Variants in GLB1L observed in about 807,000 individuals in gnomAD.
GLB1L encodes the protein beta-galactosidase-1-like protein.
A neutral mutation model predicts 75.7 loss-of-function variants in GLB1L; 58 were observed. The observed-to-expected ratio is 0.77, with a 90% CI of 0.62 to 0.95. GLB1L has a LOEUF of 0.95. Among genes scored for constraint, GLB1L ranks in the 40% least tolerant of loss-of-function variants. GLB1L has a pLI of 0.00. For missense variants in GLB1L, 797 were observed against 805.5 expected, an observed-to-expected ratio of 0.99 and a Z score of 0.13; for synonymous variants, 296 against 303.0, an observed-to-expected ratio of 0.98 and a Z score of 0.24.
chr2:219,237,521 T>A lies in GLB1L; in HGVS notation c.1680A>T (p.Gly560=). ...SVGDTFLYLP[G]WTKGQVWING... ...CCACCATTACCAATACCTTGGTCCA[T>A]CCAGGTAGATATAGAAATGTGTCCC... Residue 560 remains glycine (G), a synonymous_variant, in exon 16 of 17, where the codon GGA becomes GGT. Coordinates refer to ENST00000295759, the MANE Select transcript of GLB1L (RefSeq NM_001286423.2). 6.2e-7 allele frequency: 1 copy of A among 1,613,616 alleles called. No homozygotes were observed. The highest frequency in any genetic ancestry group is 8.5e-7 in the Non-Finnish European group (1 of 1,179,522).
chr2:219,238,218 T>C (rs1415820281), intron 14 of GLB1L, 32 bp downstream of exon 14: 1 of 1,445,804 alleles, frequency 6.9e-7, no homozygotes, highest in Non-Finnish European at 9.5e-7. Context: ...AGGGAGGAGT[T>C]TGGGGCTCAC....
Position 219,236,661 on chromosome 2 carries a change from G to C in GLB1L, c.*411C>G, listed in dbSNP as rs1951248387. ...AAAGTTTGGCAAGGAATGTGTACTT[G>C]TACTTACATTCAGAGGCACTGTGGC... is the stretch of plus-strand genomic sequence containing the variant. On this transcript the variant is annotated 3_prime_UTR_variant, in exon 17 of 17. Transcript: ENST00000295759. 1 of 606,270 alleles carries C rather than the reference G, an allele frequency of 1.6e-6. No individual in the cohort carries two copies. The highest frequency in any genetic ancestry group is 3.7e-5 in the Admixed American group (1 of 26,838). The allele number at this position is 606,270 out of a possible 1,614,324, so 37.6% of individuals were successfully genotyped here.
At chr2:219,241,442 G>GTGTGTGTA (rs1382897637) in intron 5 of GLB1L, among the ~76,000 whole-genome samples, 4 of 82,902 alleles carry the variant, frequency 4.8e-5, no homozygotes, top group Non-Finnish European at 9.0e-5. Flanking sequence ...GTGTGTGTGT[G>GTGTGTGTA]TATATATATA....
chr2:219,238,514 G>A lies in GLB1L; in HGVS notation c.1208C>T (p.Thr403Ile), dbSNP rs770607788. The A allele has an allele frequency of 1.2e-6, 2 of 1,614,002 alleles. No homozygotes were observed. The highest frequency in any genetic ancestry group is 2.7e-5 in the African/African-American group (2 of 74,922). The change falls in exon 13 of 17, where the codon ACC becomes ATC. Residue 403 changes from threonine (T) to isoleucine (I), a missense_variant. Transcript: ENST00000295759. ...RGPIHSILPM[T>I]FEAVKQDHGF... ...CCTTACCTGCTTGACAGCCTCAAAG[G>A]TCATTGGCAAGATTGAATGAATGGG...
At chr2:219,243,927 C>G (rs1209760073) in intron 1 of GLB1L, 1 of 200,712 alleles carries the variant, frequency 5.0e-6, no homozygotes, top group Non-Finnish European at 1.0e-5. Context: ...GCCAACAGGG[C>G]AAAACCCTGT....
At chr2:219,243,400 T>C in intron 2 of GLB1L, 86 bp from the exon 3 acceptor site, 2 of 1,590,604 alleles carry the variant, frequency 1.3e-6, no homozygotes, top group Non-Finnish European at 1.7e-6. Context: ...GAGATGGAAC[T>C]AGCCCTGCGG....
At chr2:219,242,740 G>C in intron 4 of GLB1L, 28 bp downstream of exon 4, 1 of 1,612,912 alleles carries the variant, frequency 6.2e-7, no homozygotes, top group South Asian at 1.1e-5. Flanking sequence ...AAGGATAACT[G>C]GTTCTATCCC....
At chr2:219,238,423 T>C in intron 13 of GLB1L, 60 bp from the exon 14 acceptor site, 2 of 1,563,072 alleles carry the variant, frequency 1.3e-6, no homozygotes, top group Non-Finnish European at 1.8e-6. Flanking sequence ...ACTGTGACTA[T>C]AGCCAAGGAA....
In GLB1L at chr2:219,242,577, G is replaced by A. The variant is rs748038655; in HGVS notation, c.391-3C>T. ...AGCAACCAGGATGGGAGACCCCCCT[G>A]AGACAAACATAAAGAGAACAAAGAA... On this transcript the variant is annotated splice_polypyrimidine_tract_variant and splice_region_variant and intron_variant, in intron 4 of 16. Coordinates refer to ENST00000295759, the MANE Select transcript of GLB1L (RefSeq NM_001286423.2). 6 of 1,612,586 alleles carry A rather than the reference G, an allele frequency of 3.7e-6. No homozygotes were observed. The Admixed American group carries it at 6.7e-5, about 18-fold the overall frequency.
Position 219,243,224 on chromosome 2 carries a change from A to T in GLB1L, c.163T>A (p.Tyr55Asn). 6.2e-7 allele frequency: 1 copy of T among 1,614,178 alleles called. No individual in the cohort carries two copies. The highest frequency in any genetic ancestry group is 1.1e-5 in the South Asian group (1 of 91,082). ...PFRYVSGSLH[Y>N]FRVPRVLWAD... ...CAAAGCACCCGCGGTACCCGAAAGT[A>T]GTGCAGGCTGCCAGACACATAGCGG... The change falls in exon 3 of 17, where the codon TAC (tyrosine) becomes AAC (asparagine). Residue 55 changes from tyrosine to asparagine, a missense_variant. Transcript: ENST00000295759.
At position 219,242,915 on chromosome 2, in the gene GLB1L, A is replaced by G. The variant is rs781030371; in HGVS notation, c.243T>C (p.Tyr81=). Residue 81 remains tyrosine, a synonymous_variant, in exon 4 of 17, where the codon TAT becomes TAC. Transcript: ENST00000295759. ...GTGGCTCGTGGTAGTTCCAGGGCACATAACTGAGAAAGGAAGAGGTTAATA... is the reference window on the plus strand; with the variant it reads ...GTGGCTCGTGGTAGTTCCAGGGCACGTAACTGAGAAAGGAAGAGGTTAATA... ...RWSGLNAIQF[Y]VPWNYHEPQP... is the part of the protein sequence containing the mutation. 14 of 1,614,222 alleles carry G rather than the reference A, an allele frequency of 8.7e-6. No individual in the cohort carries two copies. The East Asian group carries it at 2.5e-4, about 28-fold the overall frequency.
chr2:219,238,098 T>G, intron 14 of GLB1L, 141 bp from the exon 15 acceptor site: 1 of 1,062,536 alleles, frequency 9.4e-7, no homozygotes, highest in Non-Finnish European at 1.4e-6. Context: ...AATTCTATCC[T>G]TAATCAAACT....
At position 219,236,739 on chromosome 2, in the gene GLB1L, A is replaced by T. The variant is rs1031622379; in HGVS notation, c.*333T>A. 4 of 390,374 alleles carry T rather than the reference A, an allele frequency of 1.0e-5. No homozygotes were observed. The highest frequency in any genetic ancestry group is 4.3e-5 in the African/African-American group (2 of 46,610). The allele number at this position is 390,374 out of a possible 1,614,324, so 24.2% of individuals were successfully genotyped here. ...AGCACCAAGGGATCCTGCCCACTCC[A>T]TGTCCCAGGTCCAAGGGTTACTTTT... On this transcript the variant is annotated 3_prime_UTR_variant, in exon 17 of 17. Transcript: ENST00000295759.
In GLB1L at chr2:219,236,760, CTTTTTT is replaced by C. The variant is rs5838728; in HGVS notation, c.*306_*311del. ...CTCCATGTCCCAGGTCCAAGGGTTACTTTTTTTTTTTTTTTTTTTTTTGAGATGGAG... is the reference window on the plus strand; with the variant it reads ...CTCCATGTCCCAGGTCCAAGGGTTACTTTTTTTTTTTTTTTTGAGATGGAG... On this transcript the variant is annotated 3_prime_UTR_variant, in exon 17 of 17. Coordinates refer to ENST00000295759, the MANE Select transcript of GLB1L (RefSeq NM_001286423.2). The C allele has an allele frequency of 4.2e-4, 53 of 125,740 alleles. No homozygotes were observed. The South Asian group carries it at 7.4e-3, about 18-fold the overall frequency. 7.8% of individuals were successfully genotyped at this position (125,740 alleles called of 1,614,324 possible). A position where few individuals can be genotyped will look rare whatever the true frequency, so the allele number is the denominator to read the frequency against.
rs1951434360 is a variant in GLB1L at position 219,243,150 on chromosome 2, C to T, written c.237G>A (p.Gln79=). 1.2e-6 allele frequency: 2 copies of T among 1,605,428 alleles called. No homozygotes were observed. Among genetic ancestry groups the T allele is most frequent in the East Asian group, 4.5e-5 (2 of 44,740 alleles). ...CGGCTCTTGCGAGCACTTCTTACAA[C>T]TGTATGGCGTTGAGGCCGCTCCATC... The part of the protein sequence containing the change: ...KMRWSGLNAI[Q]FYVPWNYHEP... The change falls in exon 3 of 17, where the codon CAG becomes CAA. Residue 79 remains glutamine (Q), a splice_region_variant and synonymous_variant. Transcript: ENST00000295759.
In GLB1L at chr2:219,243,661, C is replaced by T. The variant is rs746203407; in HGVS notation, c.-70-18G>A. 1 of 1,320,148 alleles carries T rather than the reference C, an allele frequency of 7.6e-7. No homozygotes were observed. Among genetic ancestry groups the T allele is most frequent in the African/African-American group, 1.5e-5 (1 of 68,612 alleles). The allele number at this position is 1,320,148 out of a possible 1,614,324, so 81.8% of individuals were successfully genotyped here. ...GAGGGAACCTCAGCGAGCAAGGGGG[C>T]GGAAACCACCTCAAGTTGCCAGGCG... On this transcript the variant is annotated intron_variant, in intron 1 of 16. Coordinates refer to ENST00000295759, the MANE Select transcript of GLB1L (RefSeq NM_001286423.2).
chr2:219,237,721 A>G lies in GLB1L; in HGVS notation c.1480T>C (p.Leu494=), dbSNP rs748044195. 3.1e-5 allele frequency: 50 copies of G among 1,614,050 alleles called. No homozygotes were observed. The highest frequency in any genetic ancestry group is 1.7e-4 in the Admixed American group (10 of 60,006). The change falls in exon 16 of 17, where the codon TTG becomes CTG. Residue 494 remains leucine, a synonymous_variant. Coordinates refer to ENST00000295759, the MANE Select transcript of GLB1L (RefSeq NM_001286423.2). The part of the protein sequence containing the change: ...GSNSSDFKGL[L]KPPILGQTIL... ...GTTTGCCCCAGAATTGGTGGCTTCA[A>G]CAGGCCCTATAGGGAAGGAAAATGA...
chr2:219,244,986 CTT>C (rs748011717), intron 1 of GLB1L, among the ~76,000 whole-genome samples: 14 of 152,364 alleles, frequency 9.2e-5, no homozygotes, highest in Non-Finnish European at 1.9e-4. Flanking sequence ...GGTTAAGTAA[CTT>C]GCCCGAGGTT....
chr2:219,239,749 T>A, intron 8 of GLB1L, 26 bp downstream of exon 8: 1 of 1,614,194 alleles, frequency 6.2e-7, no homozygotes, highest in Non-Finnish European at 8.5e-7. Context: ...TATCCCTGAT[T>A]CCCTGACTCC....
Sources: gnomAD v4.1 joint callset for allele counts (sites outside exome capture counted in the v4.1 genomes callset) on GRCh38, gnomAD v4.1.1 for gene constraint, MANE v1.5 for transcripts, NCBI Gene and HGNC (gene_info 2026-07-23, HGNC 2026-07-21) for gene names.